Variants in ASTN2 observed in about 807,000 individuals in gnomAD.
ASTN2 encodes the protein astrotactin 2.
In ASTN2, 54 loss-of-function variants were observed where a neutral mutation model predicts 139.8. The observed-to-expected ratio is 0.39, with a 90% CI of 0.31 to 0.48. The LOEUF is 0.48. Ranked by LOEUF, ASTN2 falls within the 20% of genes least tolerant of loss-of-function variation. The probability of loss-of-function intolerance (pLI) is 0.95; values close to 1 mark genes in which losing one functional copy is unlikely to be tolerated. For missense variants in ASTN2, 1,565 were observed against 1,725.1 expected, an observed-to-expected ratio of 0.91 and a Z score of 1.64; for synonymous variants, 756 against 719.5, an observed-to-expected ratio of 1.05 and a Z score of -0.81.
chr9:117,198,043 T>G (rs983416877), intron 3 of ASTN2, among the ~76,000 whole-genome samples: 1 of 152,160 alleles, frequency 6.6e-6, no homozygotes, highest in Non-Finnish European at 1.5e-5. Context: ...AATGTGCCTA[T>G]GTAGTTTTTT....
chr9:116,541,785 TAA>T (rs1564356539), intron 19 of ASTN2, among the ~76,000 whole-genome samples: 2 of 152,206 alleles, frequency 1.3e-5, no homozygotes, highest in African/African-American at 4.8e-5. Context: ...CAGCTCTCAA[TAA>T]AGACATCCAC....
intron 6 of ASTN2, among the ~76,000 whole-genome samples, chr9:117,039,276 G>C (rs552596670): frequency 1.3e-5 from 2 of 152,270 alleles, no homozygotes; most frequent in East Asian, 3.9e-4. Context: ...CATGTCCTTT[G>C]TAGGGACATG....
chr9:116,650,182 G>A (rs1588141286), intron 17 of ASTN2, among the ~76,000 whole-genome samples: 1 of 152,202 alleles, frequency 6.6e-6, no homozygotes, highest in African/African-American at 2.4e-5. Flanking sequence ...AGAAGGAGGA[G>A]TGGGGATCAA....
intron 19 of ASTN2, among the ~76,000 whole-genome samples, chr9:116,617,905 C>T (rs1855933839): frequency 6.6e-6 from 1 of 152,160 alleles, no homozygotes; most frequent in Admixed American, 6.5e-5. Flanking sequence ...TATCTCTCTC[C>T]CAGCACTAGT....
chr9:117,159,483 G>A (rs530874554), intron 3 of ASTN2, among the ~76,000 whole-genome samples: 11 of 152,152 alleles, frequency 7.2e-5, no homozygotes, highest in African/African-American at 2.6e-4. Flanking sequence ...GAGCCCATGT[G>A]TGGGGAGCTG....
At chr9:117,355,332 G>A (rs569574124) in intron 1 of ASTN2, among the ~76,000 whole-genome samples, 26 of 152,302 alleles carry the variant, frequency 1.7e-4, no homozygotes, top group African/African-American at 5.1e-4. Flanking sequence ...GCTGCTGCAA[G>A]TGAGGACAAA....
At chr9:117,093,417 T>G (rs1003098443) in intron 5 of ASTN2, among the ~76,000 whole-genome samples, 2 of 152,294 alleles carry the variant, frequency 1.3e-5, no homozygotes, top group African/African-American at 4.8e-5. Context: ...AGACGTTAAG[T>G]TCCATGATTA....
intron 16 of ASTN2, among the ~76,000 whole-genome samples, chr9:116,684,527 A>T (rs1860080627): frequency 6.6e-6 from 1 of 152,150 alleles, no homozygotes; most frequent in Admixed American, 6.5e-5. Context: ...TCCTCATCCT[A>T]GGACTCATTA....
intron 10 of ASTN2, among the ~76,000 whole-genome samples, chr9:116,959,918 C>G (rs12350176): frequency 0.14 from 21,635 of 152,104 alleles, 4,842 homozygotes; most frequent in African/African-American, 0.48. Flanking sequence ...CCACGCAAAG[C>G]CCTGTCAGTC....
At chr9:117,172,437 G>T (rs1324531791) in intron 3 of ASTN2, among the ~76,000 whole-genome samples, 2 of 152,174 alleles carry the variant, frequency 1.3e-5, no homozygotes, top group African/African-American at 2.4e-5. Flanking sequence ...AGAAAACCAA[G>T]AATACATTTA....
intron 16 of ASTN2, among the ~76,000 whole-genome samples, chr9:116,668,658 T>C (rs1391064472): frequency 6.6e-6 from 1 of 152,232 alleles, no homozygotes; most frequent in Non-Finnish European, 1.5e-5. Flanking sequence ...GTTTGGACAA[T>C]TATGAATAAA....
At chr9:116,682,919 T>C (rs1471412290) in intron 16 of ASTN2, among the ~76,000 whole-genome samples, 2 of 151,994 alleles carry the variant, frequency 1.3e-5, no homozygotes, top group Non-Finnish European at 1.5e-5. Context: ...GAGACATACC[T>C]AATGCTAAAT....
rs553466501 is a variant in ASTN2 at position 116,804,516 on chromosome 9, A to G, written c.2396+1116T>C. On this transcript the variant is annotated intron_variant, in intron 13 of 22. Coordinates refer to ENST00000313400, the MANE Select transcript of ASTN2 (RefSeq NM_001365068.1). ...CTCACAGGATCATTGTGAGGATTAC[A>G]TAAGTTAATAGACAAAAAATACTTA... 3.3e-5 allele frequency among the ~76,000 whole-genome samples: 5 copies of G among 152,364 alleles called. No homozygotes were observed. In the South Asian group the frequency reaches 1.0e-3, roughly 32 times the overall value.
intron 3 of ASTN2, chr9:117,197,329 C>T (rs1325384142): frequency 6.6e-6 from 1 of 152,160 alleles, no homozygotes; most frequent in African/African-American, 2.4e-5. Context: ...CTGCACTACC[C>T]TACCAGAACC....
At chr9:116,515,445 G>A (rs1850603429) in intron 19 of ASTN2, among the ~76,000 whole-genome samples, 1 of 152,172 alleles carries the variant, frequency 6.6e-6, no homozygotes, top group African/African-American at 2.4e-5. Context: ...GAAAGTGTCA[G>A]GATATGTGGC....
intron 19 of ASTN2, among the ~76,000 whole-genome samples, chr9:116,500,201 T>A (rs1564321226): frequency 6.6e-6 from 1 of 152,112 alleles, no homozygotes. Context: ...GCTCTTCTCT[T>A]TCCACTGCCC....
intron 6 of ASTN2, among the ~76,000 whole-genome samples, chr9:117,037,254 G>A (rs1051610811): frequency 6.6e-6 from 1 of 151,848 alleles, no homozygotes; most frequent in African/African-American, 2.4e-5. Context: ...CACCGAGAAA[G>A]GGCACCTTTT....
At chr9:117,114,023 G>A (rs1332743829) in intron 4 of ASTN2, among the ~76,000 whole-genome samples, 1 of 150,242 alleles carries the variant, frequency 6.7e-6, no homozygotes, top group Non-Finnish European at 1.5e-5. Flanking sequence ...TTTTTAAGTT[G>A]CATGTAGAAA....
intron 13 of ASTN2, among the ~76,000 whole-genome samples, chr9:116,743,458 G>A (rs1457729597): frequency 6.6e-6 from 1 of 152,156 alleles, no homozygotes; most frequent in Non-Finnish European, 1.5e-5. Context: ...GGCTGAGGCT[G>A]AGGCAGGAGA....
Sources: gnomAD v4.1 joint callset for allele counts (sites outside exome capture counted in the v4.1 genomes callset) on GRCh38, gnomAD v4.1.1 for gene constraint, MANE v1.5 for transcripts, NCBI Gene and HGNC (gene_info 2026-07-23, HGNC 2026-07-21) for gene names.